Variants in SEMA3A observed in about 807,000 individuals in gnomAD.
The protein encoded by SEMA3A is semaphorin 3A.
SEMA3A carries 29 observed loss-of-function variants against 97.9 expected under a neutral mutation model. The ratio of observed to expected loss-of-function variants is 0.30; its 90% CI spans 0.22 to 0.40. SEMA3A has a LOEUF of 0.40. SEMA3A is among the 10% of genes least tolerant of loss of function. The pLI, the probability that SEMA3A is intolerant of heterozygous loss-of-function variation, is 1.00. For missense variants in SEMA3A, 763 were observed against 951.3 expected (o/e 0.80, Z 2.60); for synonymous variants, 321 against 323.7 (o/e 0.99, Z 0.09).
chr7:84,171,431 A>G (rs1358607900), intron 1 of SEMA3A, among the ~76,000 whole-genome samples: 1 of 152,162 alleles, frequency 6.6e-6, no homozygotes, highest in Non-Finnish European at 1.5e-5. Context: ...AAGCTTCTGT[A>G]TATATGTTAA....
In SEMA3A at chr7:84,239,751, T is replaced by C. The variant is rs914218546; in HGVS notation, c.-82-45083A>G. On this transcript the variant is annotated intron_variant, in intron 3 of 3. Transcript: ENST00000424555. ...TAAAGCTAAACCACATACTAATTTT[T>C]ACCATCTTTGGAGGCCATCTTAATG... Among the ~76,000 whole-genome samples, 17 of 152,178 alleles carry C rather than the reference T, an allele frequency of 1.1e-4. No individual in the cohort carries two copies. The East Asian group carries it at 3.3e-3, about 29-fold the overall frequency.
At chr7:84,026,825 C>T (rs1043172520) in intron 6 of SEMA3A, among the ~76,000 whole-genome samples, 4 of 151,908 alleles carry the variant, frequency 2.6e-5, no homozygotes. Context: ...AAGAAGGGAA[C>T]AGACACTGGA....
At chr7:84,399,693 G>A (rs1475414787) in intron 1 of SEMA3A, among the ~76,000 whole-genome samples, 4 of 152,170 alleles carry the variant, frequency 2.6e-5, no homozygotes, top group African/African-American at 9.6e-5. Flanking sequence ...TACTTCCCTG[G>A]TAGGATGGAC....
At chr7:84,263,760 G>A (rs576143426) in intron 3 of SEMA3A, among the ~76,000 whole-genome samples, 8 of 152,074 alleles carry the variant, frequency 5.3e-5, no homozygotes, top group South Asian at 2.1e-4. Flanking sequence ...GTTCTATATC[G>A]TTACAGTGCT....
chr7:83,972,585 A>T (rs1488154043), intron 15 of SEMA3A, among the ~76,000 whole-genome samples: 1 of 152,098 alleles, frequency 6.6e-6, no homozygotes, highest in East Asian at 1.9e-4. Context: ...GGGAGATGGA[A>T]AACACCCATT....
In SEMA3A at chr7:84,046,418, T is replaced by C. The variant is rs560392180; in HGVS notation, c.573A>G (p.Ala191=). The C allele has an allele frequency of 6.2e-7, 1 of 1,612,934 alleles. No individual in the cohort carries two copies. Among genetic ancestry groups the C allele is most frequent in the Non-Finnish European group, 8.5e-7 (1 of 1,179,314 alleles). The change falls in exon 6 of 17, where the codon GCA becomes GCG. Residue 191 remains alanine, a synonymous_variant. Coordinates refer to ENST00000265362, the MANE Select transcript of SEMA3A (RefSeq NM_006080.3). ...CAAAGTCTCGCCCCATAAAATCAGCTGCAGTTCCAGAGTATAATTCTCCAT... is the reference window on the plus strand; with the variant it reads ...CAAAGTCTCGCCCCATAAAATCAGCCGCAGTTCCAGAGTATAATTCTCCAT... ...LIDGELYSGT[A]ADFMGRDFAI...
chr7:84,346,821 T>C (rs1285285572), intron 2 of SEMA3A, among the ~76,000 whole-genome samples: 1 of 152,076 alleles, frequency 6.6e-6, no homozygotes, highest in Non-Finnish European at 1.5e-5. Flanking sequence ...GTTGGAAAAA[T>C]GGTGCCAAAC....
intron 1 of SEMA3A, among the ~76,000 whole-genome samples, chr7:84,381,031 G>C (rs1185910691): frequency 6.6e-6 from 1 of 152,170 alleles, no homozygotes; most frequent in Admixed American, 6.5e-5. Context: ...CAGCTTCTGA[G>C]ATTAGAACAT....
intron 1 of SEMA3A, among the ~76,000 whole-genome samples, chr7:84,137,016 G>C (rs933471792): frequency 6.9e-6 from 1 of 145,610 alleles, no homozygotes; most frequent in East Asian, 2.0e-4. Context: ...AAAAGAGTTT[G>C]TATTCATGTG....
At chr7:84,248,534 A>T (rs1799527051) in intron 3 of SEMA3A, among the ~76,000 whole-genome samples, 1 of 152,144 alleles carries the variant, frequency 6.6e-6, no homozygotes, top group African/African-American at 2.4e-5. Context: ...GCAGATACAC[A>T]TTTATGTTCC....
chr7:84,035,547 A>G (rs1379521500), intron 6 of SEMA3A, among the ~76,000 whole-genome samples: 1 of 152,032 alleles, frequency 6.6e-6, no homozygotes, highest in Non-Finnish European at 1.5e-5. Context: ...CAAAGAAAAA[A>G]TTAAAATCTT....
chr7:84,106,958 G>A lies in SEMA3A; in HGVS notation c.453+3512C>T, dbSNP rs183730553. ...TAGACAAAATTTTAAAAGGAGATTC[G>A]TCTTTCATTATTTCACATTGCATGG... On this transcript the variant is annotated intron_variant, in intron 4 of 16. Coordinates refer to ENST00000265362, the MANE Select transcript of SEMA3A (RefSeq NM_006080.3). 2.7e-3 allele frequency among the ~76,000 whole-genome samples: 409 copies of A among 152,186 alleles called. 3 individuals are homozygous for A. The highest frequency in any genetic ancestry group is 5.0e-3 in the Non-Finnish European group (337 of 67,992).
intron 4 of SEMA3A, among the ~76,000 whole-genome samples, chr7:84,063,191 G>C (rs1299420543): frequency 6.6e-6 from 1 of 151,516 alleles, no homozygotes; most frequent in Non-Finnish European, 1.5e-5. Context: ...TATTCCAACA[G>C]ACCTGCAGCT....
chr7:84,451,577 A>G (rs900012134), intron 1 of SEMA3A, among the ~76,000 whole-genome samples: 16 of 152,230 alleles, frequency 1.1e-4, no homozygotes, highest in African/African-American at 2.9e-4. Flanking sequence ...TCATAGAAGC[A>G]TGAATATTCA....
intron 2 of SEMA3A, among the ~76,000 whole-genome samples, chr7:84,311,614 T>C (rs564014116): frequency 5.3e-5 from 8 of 152,090 alleles, no homozygotes; most frequent in African/African-American, 9.6e-5. Flanking sequence ...TTAGGCACCA[T>C]AGAACATTGC....
chr7:84,001,334 C>T (rs1790441614), intron 12 of SEMA3A, among the ~76,000 whole-genome samples: 1 of 149,110 alleles, frequency 6.7e-6, no homozygotes, highest in Non-Finnish European at 1.5e-5. Flanking sequence ...CTCACCCGTA[C>T]CCCCATTCCT....
intron 1 of SEMA3A, among the ~76,000 whole-genome samples, chr7:84,185,692 G>GAAAA (rs71078810): frequency 1.2e-4 from 9 of 78,074 alleles, no homozygotes; most frequent in Non-Finnish European, 1.9e-4. Context: ...ACTCTGGCAG[G>GAAAA]AAAAAAAAAA....
chr7:84,086,654 G>C (rs1794384884), intron 4 of SEMA3A, among the ~76,000 whole-genome samples: 1 of 143,960 alleles, frequency 6.9e-6, no homozygotes, highest in East Asian at 2.0e-4. Flanking sequence ...GCTCCAGAGG[G>C]CACAACTCAT....
chr7:84,211,460 A>C (rs1293546134), intron 3 of SEMA3A, among the ~76,000 whole-genome samples: 1 of 151,786 alleles, frequency 6.6e-6, no homozygotes, highest in Non-Finnish European at 1.5e-5. Flanking sequence ...AAAATACAAA[A>C]AAAAAAAAAA....
Sources: allele counts gnomAD v4.1 joint callset (sites outside exome capture counted in the v4.1 genomes callset), GRCh38; gene constraint gnomAD v4.1.1; transcripts MANE v1.5; gene names NCBI Gene and HGNC (gene_info 2026-07-23, HGNC 2026-07-21).